The following RBL1 variants were observed in gnomAD, a reference collection of about 807,000 sequenced individuals.
RBL1 encodes the protein RB transcriptional corepressor like 1, also known as retinoblastoma-like protein 1.
In RBL1, 82 loss-of-function variants were observed where a neutral mutation model predicts 123.0. The ratio of observed to expected loss-of-function variants is 0.67; its 90% CI spans 0.56 to 0.80. The LOEUF (loss-of-function observed/expected upper bound fraction) is 0.80, where lower values mean the gene tolerates loss of function less well. Among genes scored for constraint, RBL1 ranks in the 30% least tolerant of loss-of-function variants. RBL1 has a pLI of 0.00. For synonymous variants in RBL1, 405 were observed against 441.3 expected, an observed-to-expected ratio of 0.92 and a Z score of 1.03; for missense variants, 1,171 against 1,299.6, an observed-to-expected ratio of 0.90 and a Z score of 1.52.
intron 1 of RBL1, among the ~76,000 whole-genome samples, chr20:37,095,526 G>A (rs1209624180): frequency 6.6e-6 from 1 of 152,190 alleles, no homozygotes; most frequent in African/African-American, 2.4e-5. Context: ...GGGAAGTGTG[G>A]TCAGGAAGCC....
intron 19 of RBL1, 43 bp downstream of exon 19, chr20:37,018,236 T>C: frequency 6.4e-7 from 1 of 1,562,884 alleles, no homozygotes; most frequent in Non-Finnish European, 8.7e-7. Flanking sequence ...TACAGTGTGA[T>C]CCAATGTGTT....
intron 18 of RBL1, 52 bp downstream of exon 18, chr20:37,020,607 G>T: frequency 1.6e-6 from 2 of 1,225,376 alleles, no homozygotes; most frequent in Non-Finnish European, 2.3e-6. Context: ...TAACTTGTCA[G>T]TGGAAAAGAG....
chr20:37,000,962 C>T (rs1315576879), intron 21 of RBL1, among the ~76,000 whole-genome samples: 12 of 146,018 alleles, frequency 8.2e-5, no homozygotes, highest in African/African-American at 1.0e-4. Context: ...TCTGCCCGGC[C>T]GCCCCTACTG....
At chr20:37,030,929 C>G (rs922916678) in intron 16 of RBL1, among the ~76,000 whole-genome samples, 1 of 151,456 alleles carries the variant, frequency 6.6e-6, no homozygotes, top group Non-Finnish European at 1.5e-5. Context: ...GCCTGTAGTC[C>G]TAGCTGCTCA....
intron 15 of RBL1, 129 bp from the exon 16 acceptor site, chr20:37,033,005 T>C: frequency 3.0e-6 from 4 of 1,342,900 alleles, no homozygotes; most frequent in Non-Finnish European, 3.9e-6. Flanking sequence ...TAATTCTAGG[T>C]TATGACTGAA....
intron 19 of RBL1, among the ~76,000 whole-genome samples, chr20:37,011,570 G>T (rs910168518): frequency 6.6e-6 from 1 of 151,844 alleles, no homozygotes; most frequent in Non-Finnish European, 1.5e-5. Flanking sequence ...AAGTGGCAGG[G>T]ATTACAAGTG....
Position 36,997,836 on chromosome 20 carries a change from T to A in RBL1, c.*923A>T, listed in dbSNP as rs1422393568. ...ATTGGGTTGTGACATCAGGCTGAGA[T>A]GGCTTAGGGCTGGAAAGCAAGGATG... On this transcript the variant is annotated 3_prime_UTR_variant, in exon 22 of 22. Coordinates refer to ENST00000373664, the MANE Select transcript of RBL1 (RefSeq NM_002895.5). 6.6e-6 allele frequency: 1 copy of A among 152,088 alleles called. No homozygotes were observed. Among genetic ancestry groups the A allele is most frequent in the Non-Finnish European group, 1.5e-5 (1 of 68,018 alleles). 9.4% of individuals were successfully genotyped at this position (152,088 alleles called of 1,614,324 possible). A position where few individuals can be genotyped will look rare whatever the true frequency, so the allele number is the denominator to read the frequency against.
intron 11 of RBL1, among the ~76,000 whole-genome samples, chr20:37,050,059 T>C (rs910856020): frequency 2.0e-4 from 24 of 119,852 alleles, no homozygotes; most frequent in Middle Eastern, 5.4e-3. Flanking sequence ...CGAAACTCCA[T>C]CTCAAAAAAA....
intron 18 of RBL1, 105 bp downstream of exon 18, chr20:37,020,554 A>G: frequency 1.3e-6 from 1 of 786,830 alleles, no homozygotes; most frequent in Non-Finnish European, 2.0e-6. Context: ...AAAACAGAAA[A>G]TCTGAAGTAT....
At chr20:37,003,569 C>T in intron 21 of RBL1, 133 bp downstream of exon 21, 1 of 1,311,650 alleles carries the variant, frequency 7.6e-7, no homozygotes, top group Non-Finnish European at 9.9e-7. Context: ...TGAGAGGAGA[C>T]ATGCCATAGT....
rs761586826 is a variant in RBL1 at position 37,007,468 on chromosome 20, A to G, written c.2814T>C (p.Tyr938=). The change falls in exon 20 of 22, where the codon TAT becomes TAC. Residue 938 remains tyrosine, a synonymous_variant. Transcript: ENST00000373664. ...GDLIKFYNTI[Y]VGRVKSFALK... ...GTGCAAATGACTTCACTCTTCCTACATATATTGTATTGTAAAATTTTATAA... is the reference window on the plus strand; with the variant it reads ...GTGCAAATGACTTCACTCTTCCTACGTATATTGTATTGTAAAATTTTATAA... 8 of 1,613,778 alleles carry G rather than the reference A, an allele frequency of 5.0e-6. No individual in the cohort carries two copies. In the African/African-American group the frequency reaches 6.7e-5, roughly 13 times the overall value.
chr20:37,018,198 C>G (rs1173916106), intron 19 of RBL1, 81 bp downstream of exon 19: 2 of 1,374,556 alleles, frequency 1.5e-6, no homozygotes, highest in African/African-American at 1.5e-5. Flanking sequence ...TTCACATTTC[C>G]ATGTTGTCTG....
chr20:37,067,616 A>G (rs1336636543), intron 3 of RBL1, among the ~76,000 whole-genome samples: 1 of 151,924 alleles, frequency 6.6e-6, no homozygotes, highest in Non-Finnish European at 1.5e-5. Flanking sequence ...TAAAAATACA[A>G]AAAATGAGCC....
intron 1 of RBL1, among the ~76,000 whole-genome samples, chr20:37,095,273 A>C (rs2065714819): frequency 6.6e-6 from 1 of 152,100 alleles, no homozygotes; most frequent in South Asian, 2.1e-4. Context: ...TAAACGGCTC[A>C]GACCCTGGGT....
intron 12 of RBL1, among the ~76,000 whole-genome samples, chr20:37,046,799 G>C (rs1046023901): frequency 1.3e-5 from 2 of 151,808 alleles, no homozygotes; most frequent in Non-Finnish European, 2.9e-5. Context: ...TTTTAGTAGA[G>C]ACGGAGTTTC....
rs180748356 is a variant in RBL1, at chr20:37,074,697, C to T, written c.291-6511G>A. ...ACACAGGGCTGGGAGCGGTGGTTCA[C>T]GCCTGTAATCCCAGCCACTCAGGAG... On this transcript the variant is annotated intron_variant, in intron 2 of 21. Coordinates refer to ENST00000373664, the MANE Select transcript of RBL1 (RefSeq NM_002895.5). Among the ~76,000 whole-genome samples, 306 of 152,062 alleles carry T rather than the reference C, an allele frequency of 2.0e-3. 1 individual carries two copies. The highest frequency in any genetic ancestry group is 7.0e-3 in the African/African-American group (292 of 41,476).
At position 37,018,333 on chromosome 20, in the gene RBL1, C is replaced by T; in HGVS notation, c.2668G>A (p.Glu890Lys). 1 of 1,611,518 alleles carries T rather than the reference C, an allele frequency of 6.2e-7. No individual in the cohort carries two copies. The highest frequency in any genetic ancestry group is 8.5e-7 in the Non-Finnish European group (1 of 1,179,190). Residue 890 changes from glutamate (E) to lysine (K), a missense_variant, in exon 19 of 22, where the codon GAA (glutamate) becomes AAA (lysine). By Grantham distance (56) the Glu-to-Lys change is moderately conservative. Transcript: ENST00000373664. ...ATATTTTTATTATATGCCACAACTTCTCTTGGAATACTTTTCAGCAGAACA... is the reference window on the plus strand; with the variant it reads ...ATATTTTTATTATATGCCACAACTTTTCTTGGAATACTTTTCAGCAGAACA... ...RSVLLKSIPREVVAYNKNIND... is the reference protein window; with the variant it reads ...RSVLLKSIPRKVVAYNKNIND...
At chr20:37,014,119 T>C (rs1250166538) in intron 19 of RBL1, among the ~76,000 whole-genome samples, 1 of 149,798 alleles carries the variant, frequency 6.7e-6, no homozygotes, top group African/African-American at 2.5e-5. Context: ...AGGGTCTTGC[T>C]CTGTCTGGAG....
chr20:37,069,521 C>T (rs1487709212), intron 2 of RBL1, among the ~76,000 whole-genome samples: 1 of 151,786 alleles, frequency 6.6e-6, no homozygotes, highest in Non-Finnish European at 1.5e-5. Context: ...GCACCTCTGC[C>T]CGGCTGCGAC....
Sources: allele counts gnomAD v4.1 joint callset (sites outside exome capture counted in the v4.1 genomes callset), GRCh38; gene constraint gnomAD v4.1.1; transcripts MANE v1.5; gene names NCBI Gene and HGNC (gene_info 2026-07-23, HGNC 2026-07-21).